The following AGAP1 variants were observed in gnomAD, a reference collection of about 807,000 sequenced individuals.
AGAP1 encodes the protein ArfGAP with GTPase domain, ankyrin repeat and PH domain 1.
In AGAP1, 29 loss-of-function variants were observed where a neutral mutation model predicts 105.3. That is an observed-to-expected ratio of 0.28 (90% CI 0.21 to 0.38). The LOEUF is 0.38. Ranked by LOEUF, AGAP1 falls within the 10% of genes least tolerant of loss-of-function variation. The probability of loss-of-function intolerance (pLI) is 1.00; values close to 1 mark genes in which losing one functional copy is unlikely to be tolerated. For synonymous variants in AGAP1, 509 were observed against 485.9 expected (o/e 1.05, Z -0.63); for missense variants, 998 against 1,165.1 (o/e 0.86, Z 2.09).
In AGAP1 at chr2:236,054,766, C is replaced by A. The variant is rs550096272; in HGVS notation, c.2114+5485C>A. Among the ~76,000 whole-genome samples the A allele has an allele frequency of 6.6e-5, 10 of 152,234 alleles. 1 individual carries two copies. The highest frequency in any genetic ancestry group is 2.4e-4 in the African/African-American group (10 of 41,546). On this transcript the variant is annotated intron_variant, in intron 16 of 17. Coordinates refer to ENST00000304032, the MANE Select transcript of AGAP1 (RefSeq NM_001037131.3). ...TGTCTGCCCTCATCTATTTACATAC[C>A]CCCAGCTCCTGCCTTTGGAAGCGGA...
At chr2:235,863,650 G>A (rs1327807916) in intron 9 of AGAP1, among the ~76,000 whole-genome samples, 2 of 152,182 alleles carry the variant, frequency 1.3e-5, no homozygotes, top group African/African-American at 2.4e-5. Context: ...CGAGGTCATC[G>A]AAGGCCCCGG....
intron 9 of AGAP1, among the ~76,000 whole-genome samples, chr2:235,859,402 C>CCG (rs1553652465): frequency 1.0e-5 from 1 of 95,516 alleles, no homozygotes; most frequent in Non-Finnish European, 2.6e-5. Context: ...CTCCCCCCCC[C>CCG]CCCCCGCCTT....
chr2:235,683,915 T>C (rs1235327502), intron 1 of AGAP1, among the ~76,000 whole-genome samples: 2 of 151,810 alleles, frequency 1.3e-5, no homozygotes, highest in Non-Finnish European at 2.9e-5. Context: ...TTCTCATTTT[T>C]CACCTCCCAC....
intron 1 of AGAP1, among the ~76,000 whole-genome samples, chr2:235,651,906 C>CCA (rs1947607677): frequency 6.6e-6 from 1 of 152,056 alleles, no homozygotes; most frequent in Non-Finnish European, 1.5e-5. Context: ...AGCAGGGCAC[C>CCA]CAGAAGACAG....
intron 9 of AGAP1, among the ~76,000 whole-genome samples, chr2:235,870,047 G>A (rs2049362355): frequency 6.6e-6 from 1 of 152,234 alleles, no homozygotes; most frequent in Non-Finnish European, 1.5e-5. Context: ...CAGGATATGA[G>A]CACCACGGGG....
At chr2:236,052,545 C>G (rs758126207) in intron 16 of AGAP1, among the ~76,000 whole-genome samples, 2 of 152,144 alleles carry the variant, frequency 1.3e-5, no homozygotes, top group Non-Finnish European at 2.9e-5. Flanking sequence ...TGAGAACTGC[C>G]GTTCAAACTT....
rs1465118771 is a variant in AGAP1, at chr2:236,053,654, G to A, written c.2114+4373G>A. Among the ~76,000 whole-genome samples, 1 of 152,232 alleles carries A rather than the reference G, an allele frequency of 6.6e-6. No individual in the cohort carries two copies. Among genetic ancestry groups the A allele is most frequent in the Non-Finnish European group, 1.5e-5 (1 of 68,042 alleles). ...CCCATCTTTGTGTCCTGGTGTCAAA[G>A]CATTTGGCCCCCAAGGCCCTGCAGG... On this transcript the variant is annotated intron_variant, in intron 16 of 17. Coordinates refer to ENST00000304032, the MANE Select transcript of AGAP1 (RefSeq NM_001037131.3). The surrounding 1 kb of genome is among the most constrained non-coding windows in gnomAD (Gnocchi z 4.6).
chr2:235,783,088 A>G (rs1046754467), intron 6 of AGAP1, among the ~76,000 whole-genome samples: 2 of 151,690 alleles, frequency 1.3e-5, no homozygotes, highest in East Asian at 3.9e-4. Flanking sequence ...AGTGATTGAC[A>G]CTTGTTTTCA....
rs1349113898 is a variant in AGAP1, at chr2:235,992,881, C to A, written c.1645+24258C>A. On this transcript the variant is annotated intron_variant, in intron 13 of 17. Transcript: ENST00000304032. This position sits in a 1 kb window ranked among gnomAD's most constrained non-coding sequence, Gnocchi z 4.8. ...CAGTTGAGCTTGTGTTGGCCTCTTTCCGTCGTGAACCATGGACGTCTCTCC... is the reference window on the plus strand; with the variant it reads ...CAGTTGAGCTTGTGTTGGCCTCTTTACGTCGTGAACCATGGACGTCTCTCC... 1.3e-5 allele frequency among the ~76,000 whole-genome samples: 2 copies of A among 152,152 alleles called. No homozygotes were observed. The highest frequency in any genetic ancestry group is 3.9e-4 in the East Asian group (2 of 5,174).
chr2:235,821,458 A>C (rs1238155630), intron 9 of AGAP1, among the ~76,000 whole-genome samples: 2 of 147,504 alleles, frequency 1.4e-5, no homozygotes, highest in Non-Finnish European at 3.0e-5. Context: ...ATCTTGGCTC[A>C]CTGCAAGCTC....
rs1423045822 is a variant in AGAP1, at chr2:235,988,169, A to C, written c.1645+19546A>C. Among the ~76,000 whole-genome samples, 1 of 152,028 alleles carries C rather than the reference A, an allele frequency of 6.6e-6. No individual in the cohort carries two copies. Among genetic ancestry groups the C allele is most frequent in the Non-Finnish European group, 1.5e-5 (1 of 68,010 alleles). ...GTGATTCTCCTGCTTCAGCCTCCCG[A>C]GTAGATGGGGTTAAAGGTGCCCACC... On this transcript the variant is annotated intron_variant, in intron 13 of 17. Coordinates refer to ENST00000304032, the MANE Select transcript of AGAP1 (RefSeq NM_001037131.3). This position sits in a 1 kb window ranked among gnomAD's most constrained non-coding sequence, Gnocchi z 4.7.
intron 13 of AGAP1, among the ~76,000 whole-genome samples, chr2:236,022,328 C>T (rs1559199780): frequency 1.3e-5 from 2 of 152,216 alleles, no homozygotes; most frequent in South Asian, 2.1e-4. Flanking sequence ...CAGGACAACA[C>T]CTCTGTTGGA....
intron 16 of AGAP1, among the ~76,000 whole-genome samples, chr2:236,098,528 C>T (rs2059250648): frequency 6.6e-6 from 1 of 151,850 alleles, no homozygotes; most frequent in Admixed American, 6.6e-5. Flanking sequence ...CAAGATTGCA[C>T]CACTGCAATC....
intron 1 of AGAP1, among the ~76,000 whole-genome samples, chr2:235,585,853 G>C (rs1321936465): frequency 6.6e-6 from 1 of 152,158 alleles, no homozygotes; most frequent in East Asian, 1.9e-4. Context: ...AATGAAGGCT[G>C]TCTCGTCCTT....
At chr2:236,108,366 C>T (rs1213201281) in intron 16 of AGAP1, among the ~76,000 whole-genome samples, 1 of 152,208 alleles carries the variant, frequency 6.6e-6, no homozygotes, top group Admixed American at 6.5e-5. Flanking sequence ...TCTTTTCTCT[C>T]CTTCCTCTGC....
At chr2:235,726,512 G>A (rs1951653718) in intron 3 of AGAP1, among the ~76,000 whole-genome samples, 1 of 152,144 alleles carries the variant, frequency 6.6e-6, no homozygotes, top group Admixed American at 6.5e-5. Flanking sequence ...CCTGTTTATT[G>A]CGGATTAACA....
In AGAP1 at chr2:235,566,770, C is replaced by T. The variant is rs1944359402; in HGVS notation, c.163+71921C>T. 6.6e-6 allele frequency among the ~76,000 whole-genome samples: 1 copy of T among 152,122 alleles called. No homozygotes were observed. Among genetic ancestry groups the T allele is most frequent in the African/African-American group, 2.4e-5 (1 of 41,424 alleles). ...AGATTTCCCTGCCTGAAGGGGGCCC[C>T]GTGTTAGTTTCCTGTGGCTGCCGTA... On this transcript the variant is annotated intron_variant, in intron 1 of 17. Coordinates refer to ENST00000304032, the MANE Select transcript of AGAP1 (RefSeq NM_001037131.3). The surrounding 1 kb of genome is among the most constrained non-coding windows in gnomAD (Gnocchi z 5.2).
chr2:235,668,867 G>A (rs1948220132), intron 1 of AGAP1, among the ~76,000 whole-genome samples: 1 of 152,172 alleles, frequency 6.6e-6, no homozygotes, highest in Non-Finnish European at 1.5e-5. Context: ...CTGTTTTACA[G>A]GTGGAAAAGC....
chr2:235,882,944 C>T lies in AGAP1; in HGVS notation c.1051-401C>T, dbSNP rs184570892. ...CCTCCCACCTCAACCCCCCACGTAA[C>T]TGGGATTACAGAAGCACACCACCGT... On this transcript the variant is annotated intron_variant, in intron 9 of 17. Coordinates refer to ENST00000304032, the MANE Select transcript of AGAP1 (RefSeq NM_001037131.3). The surrounding 1 kb of genome is among the most constrained non-coding windows in gnomAD (Gnocchi z 4.6). 1.7e-3 allele frequency among the ~76,000 whole-genome samples: 253 copies of T among 152,258 alleles called. No individual in the cohort carries two copies. Among genetic ancestry groups the T allele is most frequent in the African/African-American group, 5.3e-3 (220 of 41,530 alleles).
Sources: allele counts gnomAD v4.1 joint callset (sites outside exome capture counted in the v4.1 genomes callset), GRCh38; gene constraint gnomAD v4.1.1; non-coding constraint Gnocchi (gnomAD v3.1); transcripts MANE v1.5; gene names NCBI Gene and HGNC (gene_info 2026-07-23, HGNC 2026-07-21).